LNX1: variants seen among roughly 807,000 people sequenced by gnomAD.
LNX1 encodes ligand of numb-protein X 1.
LNX1 carries 54 observed loss-of-function variants against 68.4 expected under a neutral mutation model. The observed-to-expected ratio is 0.79, with a 90% CI of 0.63 to 0.99. The LOEUF (loss-of-function observed/expected upper bound fraction) is 0.99. LNX1 is among the 50% of genes least tolerant of loss of function. The probability of loss-of-function intolerance (pLI) is 0.00; values close to 1 mark genes in which losing one functional copy is unlikely to be tolerated. For missense variants in LNX1, 906 were observed against 926.4 expected (o/e 0.98, Z 0.29); for synonymous variants, 336 against 350.0 (o/e 0.96, Z 0.45).
intron 2 of LNX1, among the ~76,000 whole-genome samples, chr4:53,598,383 C>A (rs1732850830): frequency 6.6e-6 from 1 of 151,974 alleles, no homozygotes; most frequent in African/African-American, 2.4e-5. Context: ...CAGGCATGCA[C>A]CACCATGCCC....
chr4:53,503,923 C>G (rs1452598031), intron 4 of LNX1, among the ~76,000 whole-genome samples: 5 of 152,190 alleles, frequency 3.3e-5, no homozygotes, highest in Non-Finnish European at 5.9e-5. Flanking sequence ...GACCTGCGGT[C>G]AGGAGTTCAA....
intron 2 of LNX1, among the ~76,000 whole-genome samples, chr4:53,539,824 G>A (rs1167893352): frequency 6.6e-6 from 1 of 152,144 alleles, no homozygotes; most frequent in Admixed American, 6.5e-5. Context: ...TGGAGGACAG[G>A]GACAATGGTT....
chr4:53,570,738 A>C (rs942046119), intron 2 of LNX1, among the ~76,000 whole-genome samples: 1 of 151,450 alleles, frequency 6.6e-6, no homozygotes, highest in African/African-American at 2.4e-5. Context: ...AAAAAAAAAG[A>C]ATCTTTTGGC....
chr4:53,606,478 AAAAC>A (rs1356298865), intron 2 of LNX1, among the ~76,000 whole-genome samples: 12 of 68,438 alleles, frequency 1.8e-4, no homozygotes, highest in African/African-American at 5.2e-4. Context: ...AAACAAACAA[AAAAC>A]AAACAAAAAA....
chr4:53,529,701 A>T (rs2109612594), intron 2 of LNX1, among the ~76,000 whole-genome samples: 1 of 152,280 alleles, frequency 6.6e-6, no homozygotes, highest in South Asian at 2.1e-4. Context: ...ACAAGCTACC[A>T]CCATAGTAGG....
At chr4:53,481,444 C>T (rs1374038800) in intron 7 of LNX1, among the ~76,000 whole-genome samples, 4 of 152,138 alleles carry the variant, frequency 2.6e-5, no homozygotes, top group South Asian at 4.1e-4. Context: ...TAAAAACATG[C>T]CATTTATTTG....
chr4:53,564,667 T>C (rs13132690), intron 2 of LNX1, among the ~76,000 whole-genome samples: 87,716 of 151,676 alleles, frequency 0.58, 25,802 homozygotes, highest in Non-Finnish European at 0.63. Flanking sequence ...GGAACAGCTC[T>C]GGTCTACAGC....
At chr4:53,557,501 A>G (rs910989510) in intron 2 of LNX1, among the ~76,000 whole-genome samples, 1 of 152,098 alleles carries the variant, frequency 6.6e-6, no homozygotes, top group African/African-American at 2.4e-5. Context: ...GCTTGCAATT[A>G]TAAATACCCA....
intron 2 of LNX1, among the ~76,000 whole-genome samples, chr4:53,560,322 A>T (rs1359817349): frequency 6.6e-6 from 1 of 152,208 alleles, no homozygotes; most frequent in Admixed American, 6.5e-5. Context: ...ACCACCTTGC[A>T]TTTAAAGGGG....
At chr4:53,509,173 G>A (rs1726145141) in intron 2 of LNX1, among the ~76,000 whole-genome samples, 1 of 152,210 alleles carries the variant, frequency 6.6e-6, no homozygotes, top group Non-Finnish European at 1.5e-5. Flanking sequence ...ACTCTACTGT[G>A]GGGAGGGTAG....
At chr4:53,505,750 G>C (rs1385359304) in intron 4 of LNX1, among the ~76,000 whole-genome samples, 1 of 152,162 alleles carries the variant, frequency 6.6e-6, no homozygotes, top group African/African-American at 2.4e-5. Flanking sequence ...ACAGTTACAT[G>C]AAACATGATC....
chr4:53,515,933 G>A (rs1354800589), intron 2 of LNX1, among the ~76,000 whole-genome samples: 1 of 152,186 alleles, frequency 6.6e-6, no homozygotes, highest in African/African-American at 2.4e-5. Context: ...TGGGCACAGT[G>A]TTTATTTACC....
chr4:53,612,929 G>T (rs2109850395), intron 2 of LNX1, among the ~76,000 whole-genome samples: 1 of 151,792 alleles, frequency 6.6e-6, no homozygotes, highest in African/African-American at 2.4e-5. Context: ...TTGACAGGAA[G>T]AATTTTAAAG....
At chr4:53,551,592 T>TGCCA (rs1729522706) in intron 2 of LNX1, among the ~76,000 whole-genome samples, 1 of 152,150 alleles carries the variant, frequency 6.6e-6, no homozygotes, top group Non-Finnish European at 1.5e-5. Flanking sequence ...AGTGCCTGAA[T>TGCCA]GCCACTGTGG....
At chr4:53,593,207 C>G (rs1327883452), upstream of LNX1, 1 of 152,034 alleles carries the variant, frequency 6.6e-6, no homozygotes, top group East Asian at 1.9e-4. Context: ...CAAAGGCCCC[C>G]CTCTTCACGC....
intron 8 of LNX1, among the ~76,000 whole-genome samples, chr4:53,477,978 C>A (rs1191208409): frequency 6.6e-6 from 1 of 152,116 alleles, no homozygotes; most frequent in Non-Finnish European, 1.5e-5. Flanking sequence ...AGCTACCTAC[C>A]CTCTTGAATG....
intron 9 of LNX1, among the ~76,000 whole-genome samples, chr4:53,465,843 T>C (rs1722637475): frequency 6.6e-6 from 1 of 152,204 alleles, no homozygotes; most frequent in Non-Finnish European, 1.5e-5. Flanking sequence ...TCTAAGCAAA[T>C]TTTAGTTTTC....
chr4:53,503,451 G>A (rs1371523582), intron 4 of LNX1, among the ~76,000 whole-genome samples: 1 of 152,184 alleles, frequency 6.6e-6, no homozygotes, highest in East Asian at 1.9e-4. Flanking sequence ...CATTACTCTT[G>A]CGTCTCCATC....
At position 53,613,401 on chromosome 4, in the gene LNX1, A is replaced by G. The variant is rs186301807; in HGVS notation, c.-215+3116T>C. Reference sequence around the variant, plus strand: ...GTACCTGTGCAGGATGTGCAGTTTCATTACATAGTAAACATGTGTCATGGG... The same window carrying G: ...GTACCTGTGCAGGATGTGCAGTTTCGTTACATAGTAAACATGTGTCATGGG... On this transcript the variant is annotated intron_variant, in intron 2 of 3. Coordinates refer to the LNX1 transcript ENST00000504299. Among the ~76,000 whole-genome samples, 1,018 of 151,800 alleles carry G rather than the reference A, an allele frequency of 6.7e-3. 36 individuals are homozygous for G. The highest frequency in any genetic ancestry group is 0.061 in the Admixed American group (931 of 15,194).
Sources: gnomAD v4.1 joint callset for allele counts (sites outside exome capture counted in the v4.1 genomes callset) on GRCh38, gnomAD v4.1.1 for gene constraint, MANE v1.5 for transcripts, NCBI Gene and HGNC (gene_info 2026-07-23, HGNC 2026-07-21) for gene names.